Variants in WNK2 observed in about 807,000 individuals in gnomAD.
The protein encoded by WNK2 is WNK lysine deficient protein kinase 2, also known as serine/threonine-protein kinase WNK2.
In WNK2, 67 loss-of-function variants were observed where a neutral mutation model predicts 192.1. The ratio of observed to expected loss-of-function variants is 0.35; its 90% CI spans 0.29 to 0.43. The LOEUF is 0.43. WNK2 is among the 20% of genes least tolerant of loss of function. WNK2 has a pLI of 1.00. For synonymous variants in WNK2, 1,439 were observed against 1,393.9 expected, an observed-to-expected ratio of 1.03 and a Z score of -0.72; for missense variants, 2,698 against 3,089.7, an observed-to-expected ratio of 0.87 and a Z score of 3.01.
chr9:93,269,062 C>T (rs769075390), intron 19 of WNK2: 1 of 948,742 alleles, frequency 1.1e-6, no homozygotes, highest in African/African-American at 1.6e-5. Flanking sequence ...CAACTCCTTG[C>T]TCCTGTCCCT....
chr9:93,214,050 G>T (rs1372095164), intron 2 of WNK2, among the ~76,000 whole-genome samples: 1 of 152,114 alleles, frequency 6.6e-6, no homozygotes, highest in African/African-American at 2.4e-5. Context: ...TACTAGCAGA[G>T]AGTGACAATG....
chr9:93,284,416 A>C (rs1316526811), intron 19 of WNK2, among the ~76,000 whole-genome samples: 1 of 152,210 alleles, frequency 6.6e-6, no homozygotes, highest in Non-Finnish European at 1.5e-5. Context: ...AATTCGAATA[A>C]ATTTATTCAC....
At chr9:93,222,611 T>A (rs1231839681) in intron 2 of WNK2, among the ~76,000 whole-genome samples, 1 of 152,310 alleles carries the variant, frequency 6.6e-6, no homozygotes, top group South Asian at 2.1e-4. Context: ...CACATCAGCC[T>A]CCGTCTGTGA....
chr9:93,186,249 G>A (rs1472014961), intron 2 of WNK2, among the ~76,000 whole-genome samples: 1 of 152,218 alleles, frequency 6.6e-6, no homozygotes, highest in African/African-American at 2.4e-5. Context: ...AGCTCCATTT[G>A]TTCACAAAAT....
chr9:93,202,333 T>TGTGTGG (rs1563976250), intron 2 of WNK2, among the ~76,000 whole-genome samples: 3 of 124,172 alleles, frequency 2.4e-5, no homozygotes, highest in African/African-American at 1.0e-4. Context: ...CACGTGTGTG[T>TGTGTGG]GTGTGTGTGT....
At chr9:93,202,735 G>A (rs1011847366) in intron 2 of WNK2, among the ~76,000 whole-genome samples, 18 of 151,888 alleles carry the variant, frequency 1.2e-4, no homozygotes, top group East Asian at 7.8e-4. Context: ...CACTGCAGCC[G>A]GGGCTAAATG....
intron 26 of WNK2, among the ~76,000 whole-genome samples, chr9:93,304,536 C>G (rs1852159909): frequency 6.6e-6 from 1 of 152,362 alleles, no homozygotes; most frequent in African/African-American, 2.4e-5. Flanking sequence ...CGAGGTGGGC[C>G]TGGCGTCAAT....
At chr9:93,319,468 C>T in intron 29 of WNK2, 1 of 954,822 alleles carries the variant, frequency 1.0e-6, no homozygotes, top group Non-Finnish European at 1.2e-6. Flanking sequence ...GTCAGCTCTG[C>T]TGGTCGGGTT....
chr9:93,210,563 C>T (rs1021327332), intron 2 of WNK2, among the ~76,000 whole-genome samples: 2 of 152,144 alleles, frequency 1.3e-5, no homozygotes, highest in African/African-American at 2.4e-5. Context: ...AGCCTCGTGA[C>T]CTTTGCTCTC....
At position 93,259,895 on chromosome 9, in the gene WNK2, A is replaced by G. The variant is rs983878080; in HGVS notation, c.3066+281A>G. On this transcript the variant is annotated intron_variant, in intron 12 of 29. Transcript: ENST00000427277. This position sits in a 1 kb window ranked among gnomAD's most constrained non-coding sequence, Gnocchi z 4.8. ...GCTCTGTGGCCCCTGCTCTTGTGGT[A>G]TCTTTGTACCTGCCCTCACCCAGGC... Among the ~76,000 whole-genome samples, 1 of 152,136 alleles carries G rather than the reference A, an allele frequency of 6.6e-6. No homozygotes were observed. The highest frequency in any genetic ancestry group is 1.5e-5 in the Non-Finnish European group (1 of 68,014).
chr9:93,268,701 T>G lies in WNK2; in HGVS notation c.3988T>G (p.Ser1330Ala). 6.2e-7 allele frequency: 1 copy of G among 1,613,422 alleles called. No homozygotes were observed. The highest frequency in any genetic ancestry group is 1.3e-5 in the African/African-American group (1 of 75,010). The change falls in exon 19 of 30, where the codon TCG becomes GCG. Residue 1330 changes from serine (S) to alanine (A), a missense_variant. By Grantham distance (99) the Ser-to-Ala change is moderately conservative. Around this residue, in one of 7 missense-constraint regions of WNK2, gnomAD observed 1,098 missense variants for 1,101.0 expected, o/e 1.00. Coordinates refer to ENST00000427277, the MANE Select transcript of WNK2 (RefSeq NM_006648.4). ...CCCCGCCCCCGAGGCCCCTGAATCT[T>G]CGCCCCCACTTCCTCTAAGCTCCCT... ...EHPAPEAPESSPPLPLSSLPP... is the reference protein window; with the variant it reads ...EHPAPEAPESAPPLPLSSLPP...
chr9:93,269,774 C>A (rs1448550147), intron 19 of WNK2, among the ~76,000 whole-genome samples: 4 of 152,138 alleles, frequency 2.6e-5, no homozygotes, highest in Non-Finnish European at 5.9e-5. Context: ...AAATTAAACC[C>A]TCTTTCCTTC....
chr9:93,227,257 G>A (rs1397183405), intron 2 of WNK2, among the ~76,000 whole-genome samples: 1 of 151,970 alleles, frequency 6.6e-6, no homozygotes, highest in African/African-American at 2.4e-5. Context: ...GGGACTACAG[G>A]CGCCCGCCAC....
At chr9:93,273,333 T>C (rs1846284355) in intron 19 of WNK2, among the ~76,000 whole-genome samples, 2 of 152,176 alleles carry the variant, frequency 1.3e-5, no homozygotes, top group South Asian at 4.1e-4. Flanking sequence ...AATTTTGTAT[T>C]TTTAGTAGAG....
intron 2 of WNK2, among the ~76,000 whole-genome samples, chr9:93,202,123 G>A (rs981590472): frequency 2.0e-5 from 3 of 152,344 alleles, no homozygotes; most frequent in East Asian, 3.9e-4. Context: ...GAAGTGAGGG[G>A]TGACTGAGGT....
intron 19 of WNK2, among the ~76,000 whole-genome samples, chr9:93,284,634 G>C (rs867774329): frequency 4.3e-4 from 65 of 152,074 alleles, no homozygotes; most frequent in African/African-American, 1.5e-3. Context: ...GGAAGGGGGA[G>C]AGGTAAAAAG....
In WNK2 at chr9:93,289,323, C is replaced by A; in HGVS notation, c.4569C>A (p.Val1523=). The A allele has an allele frequency of 2.5e-6, 4 of 1,601,396 alleles. No homozygotes were observed. The highest frequency in any genetic ancestry group is 2.6e-6 in the Non-Finnish European group (3 of 1,174,396). ...CAAGCCCACCCCTGGGGCCCACCGT[C>A]CCCCCACAGCCACCCTCGGCCCTGG... ...QLPSPPLGPT[V]PPQPPSALES... The change falls in exon 20 of 30, where the codon GTC becomes GTA. Residue 1523 remains valine (V), a synonymous_variant. Coordinates refer to ENST00000427277, the MANE Select transcript of WNK2 (RefSeq NM_006648.4).
rs144890165 is a variant in WNK2 at position 93,244,657 on chromosome 9, C to T, written c.1543-2886C>T. 3.6e-3 allele frequency among the ~76,000 whole-genome samples: 549 copies of T among 152,304 alleles called. 2 individuals are homozygous for T. The highest frequency in any genetic ancestry group is 0.013 in the African/African-American group (533 of 41,560). ...GGGTGGGGCCACGCCCTGGATATGA[C>T]CCCGAGGCCACGTGGAGCCTTAGGA... On this transcript the variant is annotated intron_variant, in intron 7 of 29. Coordinates refer to ENST00000427277, the MANE Select transcript of WNK2 (RefSeq NM_006648.4).
Position 93,234,920 on chromosome 9 carries a change from C to T in WNK2, c.1188C>T (p.Tyr396=). The change falls in exon 5 of 30, where the codon TAC becomes TAT. Residue 396 remains tyrosine (Y), a synonymous_variant. Transcript: ENST00000427277. ...AGATGGCCACCTCGGAGTACCCCTACTCGGAGTGCCAGAATGCGGCCCAGA... is the reference window on the plus strand; with the variant it reads ...AGATGGCCACCTCGGAGTACCCCTATTCGGAGTGCCAGAATGCGGCCCAGA... The part of the protein sequence containing the change: ...MLEMATSEYP[Y]SECQNAAQIY... 1 of 1,614,188 alleles carries T rather than the reference C, an allele frequency of 6.2e-7. No homozygotes were observed. Among genetic ancestry groups the T allele is most frequent in the Non-Finnish European group, 8.5e-7 (1 of 1,179,996 alleles).
Sources: allele counts gnomAD v4.1 joint callset (sites outside exome capture counted in the v4.1 genomes callset), GRCh38; gene constraint gnomAD v4.1.1; regional missense constraint gnomAD v4.1.1; non-coding constraint Gnocchi (gnomAD v3.1); transcripts MANE v1.5; gene names NCBI Gene and HGNC (gene_info 2026-07-23, HGNC 2026-07-21).